The following SLC35G2 variants were observed in gnomAD, a reference collection of about 807,000 sequenced individuals.
SLC35G2 encodes transmembrane protein 22.
A neutral mutation model predicts 27.2 loss-of-function variants in SLC35G2; 20 were observed. The ratio of observed to expected loss-of-function variants is 0.74; its 90% confidence interval spans 0.52 to 1.07. SLC35G2 has a LOEUF of 1.07. Ranked by LOEUF, SLC35G2 falls within the 50% of genes least tolerant of loss-of-function variation. The probability of loss-of-function intolerance (pLI) is 0.00; values close to 1 mark genes in which losing one functional copy is unlikely to be tolerated. For synonymous variants in SLC35G2, 148 were observed against 165.3 expected (o/e 0.90, Z 0.80); for missense variants, 416 against 493.3 (o/e 0.84, Z 1.48).
chr3:136,830,484 C>T (rs1354068919), intron 1 of SLC35G2, among the ~76,000 whole-genome samples: 6 of 152,270 alleles, frequency 3.9e-5, no homozygotes, highest in South Asian at 4.1e-4. Flanking sequence ...AGGGTTTCAC[C>T]GCGTTAGCCA....
intron 1 of SLC35G2, among the ~76,000 whole-genome samples, chr3:136,825,055 A>T (rs1196883995): frequency 6.6e-6 from 1 of 152,040 alleles, no homozygotes; most frequent in Non-Finnish European, 1.5e-5. Context: ...TTCCATCTTC[A>T]TCTATGTCCC....
intron 1 of SLC35G2, among the ~76,000 whole-genome samples, chr3:136,823,420 C>T (rs1169151115): frequency 1.3e-5 from 2 of 152,134 alleles, no homozygotes; most frequent in African/African-American, 4.8e-5. Flanking sequence ...CTTGATGTGA[C>T]ACCATTTATT....
At chr3:136,833,084 AAAAAAGAAT>A (rs1295716322) in intron 1 of SLC35G2, among the ~76,000 whole-genome samples, 1 of 151,822 alleles carries the variant, frequency 6.6e-6, no homozygotes, top group African/African-American at 2.4e-5. Flanking sequence ...AAAAAAAAAA[AAAAAAGAAT>A]AAAACATAAG....
At chr3:136,823,120 A>G (rs183495789) in intron 1 of SLC35G2, among the ~76,000 whole-genome samples, 2 of 152,296 alleles carry the variant, frequency 1.3e-5, no homozygotes, top group Admixed American at 1.3e-4. Flanking sequence ...GAGTGAGATG[A>G]TATCTCATTG....
At chr3:136,842,653 GTTA>G (rs1290377744) in intron 1 of SLC35G2, 3 of 152,202 alleles carry the variant, frequency 2.0e-5, no homozygotes, top group African/African-American at 4.8e-5. Context: ...GCTTGTGATG[GTTA>G]TTATAGGATG....
chr3:136,830,110 T>C (rs1220468902), intron 1 of SLC35G2, among the ~76,000 whole-genome samples: 2 of 137,428 alleles, frequency 1.5e-5, no homozygotes, highest in African/African-American at 2.7e-5. Flanking sequence ...ATTTCTTTTT[T>C]TTTTTTTTTT....
At chr3:136,838,363 C>G (rs982367285) in intron 1 of SLC35G2, 1 of 151,264 alleles carries the variant, frequency 6.6e-6, no homozygotes, top group African/African-American at 2.4e-5. Context: ...TTTAATAAAT[C>G]TAGGTATGCT....
At chr3:136,835,598 A>C (rs1180091192) in intron 1 of SLC35G2, among the ~76,000 whole-genome samples, 1 of 152,256 alleles carries the variant, frequency 6.6e-6, no homozygotes, top group Admixed American at 6.5e-5. Context: ...GTTTCTTAAC[A>C]AAGTTTCACT....
At position 136,853,597 on chromosome 3, in the gene SLC35G2, CA is replaced by C. The variant is rs374318797; in HGVS notation, c.-18-841del. Among the ~76,000 whole-genome samples, 134 of 152,158 alleles carry C rather than the reference CA, an allele frequency of 8.8e-4. 2 individuals are homozygous for C. Among genetic ancestry groups the C allele is most frequent in the African/African-American group, 2.9e-3 (122 of 41,510 alleles). On this transcript the variant is annotated intron_variant, in intron 1 of 1. Coordinates refer to ENST00000446465, the MANE Select transcript of SLC35G2 (RefSeq NM_025246.3). ...AATAAAAATGTAAAAAAATAAATAA[CA>C]AAAAGGTTTTCTTCCATTCTTGTTC...
At chr3:136,832,826 T>A (rs1936763698) in intron 1 of SLC35G2, among the ~76,000 whole-genome samples, 1 of 152,124 alleles carries the variant, frequency 6.6e-6, no homozygotes, top group South Asian at 2.1e-4. Flanking sequence ...CCCAGCACTT[T>A]GGGAGGCCGA....
chr3:136,825,001 T>G (rs1936550353), intron 1 of SLC35G2, among the ~76,000 whole-genome samples: 1 of 152,106 alleles, frequency 6.6e-6, no homozygotes, highest in Non-Finnish European at 1.5e-5. Flanking sequence ...AAACATGCGG[T>G]GTTTGGTTTT....
At chr3:136,843,804 C>A (rs1394857804) in intron 1 of SLC35G2, among the ~76,000 whole-genome samples, 1 of 151,770 alleles carries the variant, frequency 6.6e-6, no homozygotes, top group Non-Finnish European at 1.5e-5. Context: ...CATGGTGACG[C>A]ACCCCTGTAG....
chr3:136,848,880 A>G (rs1560018686), intron 1 of SLC35G2, among the ~76,000 whole-genome samples: 1 of 152,054 alleles, frequency 6.6e-6, no homozygotes, highest in Non-Finnish European at 1.5e-5. Flanking sequence ...AAACCTTACC[A>G]TTACATAATA....
At chr3:136,830,575 G>C (rs918768838) in intron 1 of SLC35G2, among the ~76,000 whole-genome samples, 5 of 151,844 alleles carry the variant, frequency 3.3e-5, no homozygotes, top group Admixed American at 3.3e-4. Context: ...GAGCCACCGC[G>C]CCTGGCCTAC....
intron 1 of SLC35G2, among the ~76,000 whole-genome samples, chr3:136,847,113 G>A (rs1392706622): frequency 1.3e-5 from 2 of 152,104 alleles, no homozygotes; most frequent in African/African-American, 4.8e-5. Flanking sequence ...GGAGGTGGAG[G>A]TTGCAGTGAG....
At chr3:136,851,123 G>A (rs973018888) in intron 1 of SLC35G2, among the ~76,000 whole-genome samples, 1 of 152,102 alleles carries the variant, frequency 6.6e-6, no homozygotes, top group African/African-American at 2.4e-5. Context: ...GTTTAAACAA[G>A]GAAGAAAAAT....
At chr3:136,845,012 G>A (rs1166183057) in intron 1 of SLC35G2, among the ~76,000 whole-genome samples, 1 of 151,908 alleles carries the variant, frequency 6.6e-6, no homozygotes, top group East Asian at 1.9e-4. Flanking sequence ...GCCCTTGTTG[G>A]TTCCATATTA....
intron 1 of SLC35G2, among the ~76,000 whole-genome samples, chr3:136,848,477 G>A (rs1411949114): frequency 1.3e-5 from 2 of 152,114 alleles, no homozygotes; most frequent in African/African-American, 4.8e-5. Context: ...AAATTAGGTA[G>A]GCGTGATGGC....
At chr3:136,851,358 G>T (rs62410390) in intron 1 of SLC35G2, among the ~76,000 whole-genome samples, 1 of 151,898 alleles carries the variant, frequency 6.6e-6, no homozygotes, top group Non-Finnish European at 1.5e-5. Context: ...TTAGCCGGGC[G>T]TGGTGGCGGG....
Sources: gnomAD v4.1 joint callset for allele counts (sites outside exome capture counted in the v4.1 genomes callset) on GRCh38, gnomAD v4.1.1 for gene constraint, MANE v1.5 for transcripts, NCBI Gene and HGNC (gene_info 2026-07-23, HGNC 2026-07-21) for gene names.